Variants in LUZP2 observed in about 807,000 individuals in gnomAD.
LUZP2 encodes the protein leucine zipper protein 2.
Under a neutral mutation model 51.6 loss-of-function variants are expected in LUZP2, and 52 were observed. The ratio of observed to expected loss-of-function variants is 1.01; its 90% CI spans 0.81 to 1.27. The LOEUF (loss-of-function observed/expected upper bound fraction) is 1.27, where lower values mean the gene tolerates loss of function less well. LUZP2 is among the 50% of genes most tolerant of loss of function. The probability of loss-of-function intolerance (pLI) is 0.00; values close to 1 mark genes in which losing one functional copy is unlikely to be tolerated. For synonymous variants in LUZP2, 154 were observed against 137.3 expected (o/e 1.12, Z -0.85); for missense variants, 436 against 395.4 (o/e 1.10, Z -0.87).
At chr11:24,625,392 GA>G (rs1854642416) in intron 1 of LUZP2, among the ~76,000 whole-genome samples, 1 of 148,582 alleles carries the variant, frequency 6.7e-6, no homozygotes, top group Admixed American at 6.7e-5. Context: ...AGGAAGGTAG[GA>G]AAAAAAAGCA....
chr11:24,621,570 C>T (rs1226927646), intron 1 of LUZP2, among the ~76,000 whole-genome samples: 1 of 152,148 alleles, frequency 6.6e-6, no homozygotes, highest in Admixed American at 6.5e-5. Flanking sequence ...TTCCTAAATT[C>T]TCTCTGTCAT....
In LUZP2 at chr11:24,834,060, A is replaced by AT. The variant is rs201116737; in HGVS notation, c.396+70761dup. Among the ~76,000 whole-genome samples the AT allele has an allele frequency of 7.0e-3, 1,061 of 151,324 alleles. 13 individuals carry two copies. Among genetic ancestry groups the AT allele is most frequent in the African/African-American group, 0.024 (989 of 41,246 alleles). On this transcript the variant is annotated intron_variant, in intron 5 of 11. Coordinates refer to ENST00000336930, the MANE Select transcript of LUZP2 (RefSeq NM_001009909.4). ...AGTGTTACATTTTATTGAAAGTTGG[A>AT]TTTTTTTTTGTTTTTCCCTATATGG...
chr11:24,715,182 T>A (rs1293261760), intron 1 of LUZP2, among the ~76,000 whole-genome samples: 5 of 151,740 alleles, frequency 3.3e-5, no homozygotes, highest in Non-Finnish European at 1.5e-5. Context: ...GACATATGCA[T>A]AAATTATATG....
intron 1 of LUZP2, among the ~76,000 whole-genome samples, chr11:24,684,275 G>GA (rs539676951): frequency 1.7e-4 from 26 of 151,518 alleles, no homozygotes; most frequent in African/African-American, 5.6e-4. Context: ...TTGCCCATAG[G>GA]AAAAAAAATA....
At chr11:24,786,489 C>T in intron 5 of LUZP2, 1 of 977,716 alleles carries the variant, frequency 1.0e-6, no homozygotes, top group Non-Finnish European at 1.2e-6. Flanking sequence ...GTAACACCTT[C>T]CCCTAATGTG....
chr11:24,639,600 C>T (rs1855215130), intron 1 of LUZP2, among the ~76,000 whole-genome samples: 1 of 151,510 alleles, frequency 6.6e-6, no homozygotes. Flanking sequence ...TACAGGTGCC[C>T]GCCACCACAC....
chr11:24,586,515 TTATTA>T (rs71883035), intron 1 of LUZP2, among the ~76,000 whole-genome samples: 51,945 of 151,524 alleles, frequency 0.34, 10,190 homozygotes, highest in East Asian at 0.5. Context: ...CCCAATCAAC[TTATTA>T]TCTTAGTTTT....
chr11:24,518,897 A>G (rs1302891383), intron 1 of LUZP2, among the ~76,000 whole-genome samples: 1 of 152,240 alleles, frequency 6.6e-6, no homozygotes, highest in Non-Finnish European at 1.5e-5. Context: ...TGAAGGATTC[A>G]AACTTGCTTA....
intron 10 of LUZP2, among the ~76,000 whole-genome samples, chr11:25,055,409 T>A (rs1858656699): frequency 6.6e-6 from 1 of 152,166 alleles, no homozygotes; most frequent in South Asian, 2.1e-4. Flanking sequence ...TACTTTTCTC[T>A]TTTTCATAGT....
At chr11:24,522,344 T>C (rs532308990) in intron 1 of LUZP2, among the ~76,000 whole-genome samples, 14 of 140,098 alleles carry the variant, frequency 1.0e-4, no homozygotes, top group African/African-American at 3.9e-4. Flanking sequence ...TTTTTTCTTT[T>C]TGTTTTTTTG....
chr11:24,928,746 T>C (rs574066265), intron 7 of LUZP2, among the ~76,000 whole-genome samples: 1 of 152,122 alleles, frequency 6.6e-6, no homozygotes, highest in Non-Finnish European at 1.5e-5. Context: ...ATTCATAGAA[T>C]GATTTAGAGT....
chr11:24,835,995 CTGATG>C (rs1473181167), intron 5 of LUZP2, among the ~76,000 whole-genome samples: 2 of 151,866 alleles, frequency 1.3e-5, no homozygotes, highest in Non-Finnish European at 2.9e-5. Flanking sequence ...TACTGATTTC[CTGATG>C]TAAATGCAGA....
chr11:24,940,106 G>T (rs1043418899), intron 7 of LUZP2, among the ~76,000 whole-genome samples: 3 of 151,968 alleles, frequency 2.0e-5, no homozygotes, highest in African/African-American at 7.2e-5. Flanking sequence ...AGGATTGGAG[G>T]ATAATTATAT....
intron 10 of LUZP2, among the ~76,000 whole-genome samples, chr11:25,062,305 C>A (rs1366247808): frequency 6.6e-6 from 1 of 151,312 alleles, no homozygotes; most frequent in African/African-American, 2.4e-5. Flanking sequence ...ACCTCCAGGG[C>A]CAAGCATGGT....
chr11:25,074,267 G>T (rs993224295), intron 10 of LUZP2, among the ~76,000 whole-genome samples: 3 of 152,106 alleles, frequency 2.0e-5, no homozygotes, highest in African/African-American at 7.2e-5. Flanking sequence ...CTTTATTAAA[G>T]CAGAAAACCT....
At chr11:24,498,700 C>A (rs1218341357) in intron 1 of LUZP2, among the ~76,000 whole-genome samples, 1 of 152,156 alleles carries the variant, frequency 6.6e-6, no homozygotes. Context: ...GGTTAGCTCT[C>A]AACAGTTCAA....
chr11:24,830,791 G>A (rs186085431), intron 5 of LUZP2, among the ~76,000 whole-genome samples: 6,008 of 151,756 alleles, frequency 0.04, 394 homozygotes, highest in African/African-American at 0.14. Context: ...TCAGGAGATC[G>A]AGACCATCCT....
At chr11:24,595,057 T>C (rs982011624) in intron 1 of LUZP2, among the ~76,000 whole-genome samples, 1 of 151,882 alleles carries the variant, frequency 6.6e-6, no homozygotes, top group African/African-American at 2.4e-5. Flanking sequence ...ACCATGCCCA[T>C]TGACCACTCT....
intron 9 of LUZP2, among the ~76,000 whole-genome samples, chr11:25,024,503 A>G (rs1210447698): frequency 6.6e-6 from 1 of 152,138 alleles, no homozygotes; most frequent in African/African-American, 2.4e-5. Flanking sequence ...TACACCAATA[A>G]CAGACAAACA....
Sources: allele counts gnomAD v4.1 joint callset (sites outside exome capture counted in the v4.1 genomes callset), GRCh38; gene constraint gnomAD v4.1.1; transcripts MANE v1.5; gene names NCBI Gene and HGNC (gene_info 2026-07-23, HGNC 2026-07-21).